Variants in TSBP1 observed in about 807,000 individuals in gnomAD.
TSBP1 encodes the protein testis expressed basic protein 1, also known as testis-expressed basic protein 1.
In TSBP1, 56 loss-of-function variants were observed where a neutral mutation model predicts 68.8. The ratio of observed to expected loss-of-function variants is 0.81; its 90% CI spans 0.66 to 1.02. The LOEUF is 1.02. TSBP1 is among the 50% of genes least tolerant of loss of function. The pLI is 0.00. For missense variants in TSBP1, 502 were observed against 641.2 expected, an observed-to-expected ratio of 0.78 and a Z score of 2.34; for synonymous variants, 171 against 208.7, an observed-to-expected ratio of 0.82 and a Z score of 1.56.
chr6:32,354,528 A>G (rs1772063786), intron 8 of TSBP1, among the ~76,000 whole-genome samples: 1 of 152,120 alleles, frequency 6.6e-6, no homozygotes, highest in Non-Finnish European at 1.5e-5. Context: ...AATATGCATA[A>G]ATTACATAAA....
At chr6:32,295,000 A>G (rs1482297310) in intron 22 of TSBP1, among the ~76,000 whole-genome samples, 1 of 152,082 alleles carries the variant, frequency 6.6e-6, no homozygotes, top group Admixed American at 6.6e-5. Flanking sequence ...CTAATATTTA[A>G]TATTTACTAT....
chr6:32,352,258 G>A (rs1771800413), intron 8 of TSBP1, among the ~76,000 whole-genome samples: 1 of 151,904 alleles, frequency 6.6e-6, no homozygotes. Flanking sequence ...TCTTTAAAAA[G>A]AATACCACAA....
rs1008022527 is a variant in TSBP1 at position 32,361,664 on chromosome 6, G to A, written c.217+4503C>T. Among the ~76,000 whole-genome samples the A allele has an allele frequency of 1.4e-4, 21 of 152,008 alleles. No homozygotes were observed. The highest frequency in any genetic ancestry group is 3.6e-4 in the African/African-American group (15 of 41,372). The stretch of plus-strand genomic sequence containing the variant: ...ATTTTTTCATATGTCTGTTGGCTGC[G>A]TAAATGTCTTCTTTTAAGAATTGTC... On this transcript the variant is annotated intron_variant, in intron 6 of 22. Transcript: ENST00000612031. This position sits in a 1 kb window ranked among gnomAD's most constrained non-coding sequence, Gnocchi z 4.3.
At chr6:32,308,597 CA>C (rs9279570) in intron 19 of TSBP1, among the ~76,000 whole-genome samples, 4,330 of 108,536 alleles carry the variant, frequency 0.04, 168 homozygotes, top group African/African-American at 0.12. Flanking sequence ...GACTCCGTCT[CA>C]AAAAAAAAAA....
At chr6:32,298,214 G>A (rs981611009) in intron 22 of TSBP1, among the ~76,000 whole-genome samples, 4 of 152,010 alleles carry the variant, frequency 2.6e-5, no homozygotes, top group Non-Finnish European at 5.9e-5. Flanking sequence ...TGTGAGGAGA[G>A]CATTTGAGGG....
In TSBP1 at chr6:32,336,570, C is replaced by T. The variant is rs1162294516; in HGVS notation, c.430+45G>A. 1.3e-6 allele frequency: 2 copies of T among 1,546,698 alleles called. No homozygotes were observed. Among genetic ancestry groups the T allele is most frequent in the South Asian group, 1.1e-5 (1 of 89,574 alleles). The stretch of plus-strand genomic sequence containing the variant: ...GATCAGGCCCCAAGACCTTGTAGGT[C>T]AGATATCAAAGGGACCAGAGTGGAA... On this transcript the variant is annotated intron_variant, in intron 12 of 22. Coordinates refer to ENST00000612031, the Ensembl canonical transcript of TSBP1. The surrounding 1 kb of genome is among the most constrained non-coding windows in gnomAD (Gnocchi z 5.2).
chr6:32,306,871 G>A lies in TSBP1; in HGVS notation c.581-4242C>T, dbSNP rs1304292195. Reference sequence around the variant, plus strand: ...GTGCTCAGGCAAAATAGATGATTTGGCTAGGCTAACAAAGTATTCATTTTG... The same window carrying A: ...GTGCTCAGGCAAAATAGATGATTTGACTAGGCTAACAAAGTATTCATTTTG... On this transcript the variant is annotated intron_variant, in intron 19 of 22. Transcript: ENST00000612031. The surrounding 1 kb of genome is among the most constrained non-coding windows in gnomAD (Gnocchi z 5.1). Among the ~76,000 whole-genome samples the A allele has an allele frequency of 6.6e-6, 1 of 152,028 alleles. No individual in the cohort carries two copies. The highest frequency in any genetic ancestry group is 2.4e-5 in the African/African-American group (1 of 41,384).
intron 1 of TSBP1, among the ~76,000 whole-genome samples, chr6:32,371,082 G>T (rs978578343): frequency 6.6e-6 from 1 of 151,332 alleles, no homozygotes. Context: ...GTTTGGTCCT[G>T]TGAGAAAATT....
chr6:32,323,504 A>AT, intron 17 of TSBP1, 87 bp downstream of exon 18: 1 of 1,271,760 alleles, frequency 7.9e-7, no homozygotes, highest in Non-Finnish European at 1.1e-6. Context: ...AGAGTTAGAA[A>AT]TGAGCAGGGT....
chr6:32,345,218 C>G, intron 9 of TSBP1, among the ~76,000 whole-genome samples: 1 of 140,734 alleles, frequency 7.1e-6, no homozygotes, highest in Non-Finnish European at 1.5e-5. Context: ...GGACCTTAGT[C>G]TTGATTAAAC....
At chr6:32,350,071 T>G (rs763484953) in intron 8 of TSBP1, 50 of 653,188 alleles carry the variant, frequency 7.7e-5, no homozygotes, top group South Asian at 6.6e-4. Context: ...CTATAAGTCT[T>G]CTTTCATTGG....
intron 18 of TSBP1, 147 bp downstream of exon 19, chr6:32,322,970 C>T: frequency 5.1e-6 from 3 of 584,304 alleles, no homozygotes; most frequent in South Asian, 2.7e-5. Flanking sequence ...AGCTTAGTCC[C>T]ACTTTTAATT....
chr6:32,319,386 C>A (rs1274003376), intron 18 of TSBP1, among the ~76,000 whole-genome samples: 12 of 152,220 alleles, frequency 7.9e-5, no homozygotes, highest in African/African-American at 2.9e-4. Flanking sequence ...CTCTTGAGCC[C>A]TCACTCTCAC....
At chr6:32,308,897 A>T (rs1172978295) in intron 19 of TSBP1, among the ~76,000 whole-genome samples, 1 of 148,984 alleles carries the variant, frequency 6.7e-6, no homozygotes, top group Non-Finnish European at 1.5e-5. Context: ...AGGTCTACTC[A>T]TTTTAAAGCA....
chr6:32,317,195 C>G (rs1212463903), intron 18 of TSBP1, among the ~76,000 whole-genome samples: 2 of 152,096 alleles, frequency 1.3e-5, no homozygotes, highest in African/African-American at 4.8e-5. Context: ...CTGAGAAAAA[C>G]AAGCAATGGG....
chr6:32,339,622 T>G (rs766959375), exon 10 of TSBP1: 2 of 1,282,498 alleles, frequency 1.6e-6, no homozygotes, highest in Non-Finnish European at 2.2e-6. Context: ...CAGTTGTTTG[T>G]AAACATTTTA....
exon 1 of TSBP1, chr6:32,371,820 T>C: frequency 8.1e-7 from 1 of 1,229,224 alleles, no homozygotes; most frequent in Non-Finnish European, 1.2e-6. Flanking sequence ...TGAACTTGGG[T>C]GTCAGGGAGG....
rs551245560 is a variant in TSBP1, at chr6:32,302,100, T to C, written c.601+509A>G. ...TTCTTTTATATATTGTCTATGACTG[T>C]TTTTGTGCTACAACAGCAGGGTTGA... On this transcript the variant is annotated intron_variant, in intron 20 of 22. Coordinates refer to ENST00000612031, the Ensembl canonical transcript of TSBP1. This position sits in a 1 kb window ranked among gnomAD's most constrained non-coding sequence, Gnocchi z 5.1. Among the ~76,000 whole-genome samples, 22 of 152,146 alleles carry C rather than the reference T, an allele frequency of 1.4e-4. No homozygotes were observed. The highest frequency in any genetic ancestry group is 1.5e-5 in the Non-Finnish European group (1 of 67,988).
At chr6:32,368,675 T>C in intron 3 of TSBP1, 107 bp downstream of exon 3, 1 of 1,180,732 alleles carries the variant, frequency 8.5e-7, no homozygotes, top group East Asian at 2.6e-5. Flanking sequence ...AATGGTGCAC[T>C]ATGCAAGGTT....
Sources: allele counts gnomAD v4.1 joint callset (sites outside exome capture counted in the v4.1 genomes callset), GRCh38; gene constraint gnomAD v4.1.1; non-coding constraint Gnocchi (gnomAD v3.1); transcripts MANE v1.5; gene names NCBI Gene and HGNC (gene_info 2026-07-23, HGNC 2026-07-21).